The following FAM149B1 variants were observed in gnomAD, a reference collection of about 807,000 sequenced individuals.
FAM149B1 encodes the protein primary cilium assembly protein FAM149B1.
A neutral mutation model predicts 75.3 loss-of-function variants in FAM149B1; 56 were observed. That is an observed-to-expected ratio of 0.74 (90% CI 0.60 to 0.93). The LOEUF (loss-of-function observed/expected upper bound fraction) is 0.93, where lower values mean the gene tolerates loss of function less well. FAM149B1 is among the 40% of genes least tolerant of loss of function. The pLI is 0.00. For synonymous variants in FAM149B1, 259 were observed against 256.1 expected (o/e 1.01, Z -0.11); for missense variants, 639 against 708.4 (o/e 0.90, Z 1.11).
At chr10:73,209,185 A>C (rs1159103121) in intron 6 of FAM149B1, among the ~76,000 whole-genome samples, 1 of 152,190 alleles carries the variant, frequency 6.6e-6, no homozygotes, top group African/African-American at 2.4e-5. Context: ...GCGGTGGCTC[A>C]CACTTGTAAT....
Position 73,243,747 on chromosome 10 carries a change from G to A in FAM149B1, c.*2728G>A, listed in dbSNP as rs1357371252. ...GGACAAATAGAAGGTATGCGGTTAT[G>A]TCTTAAAAGAAGAAAACAAAATACA... On this transcript the variant is annotated 3_prime_UTR_variant, in exon 14 of 14. Coordinates refer to ENST00000242505, the MANE Select transcript of FAM149B1 (RefSeq NM_173348.2). 4 of 1,239,970 alleles carry A rather than the reference G, an allele frequency of 3.2e-6. No individual in the cohort carries two copies. The African/African-American group carries it at 6.0e-5, about 19-fold the overall frequency. The allele number at this position is 1,239,970 out of a possible 1,614,324, so 76.8% of individuals were successfully genotyped here.
Position 73,235,307 on chromosome 10 carries a change from C to CA in FAM149B1, c.1593dup (p.Ser532IlefsTer15). On this transcript the variant is annotated frameshift_variant, in exon 12 of 14. Transcript: ENST00000242505. LOFTEE classifies it high-confidence loss of function. Reference sequence around the variant, plus strand: ...CTTTTTCCCCAGGCCCAACACAACTCAATCATTTTTGGTAGAGTGACGTAC... The same window carrying CA: ...CTTTTTCCCCAGGCCCAACACAACTCAAATCATTTTTGGTAGAGTGACGTAC... 1 of 1,552,040 alleles carries CA rather than the reference C, an allele frequency of 6.4e-7. No individual in the cohort carries two copies. The highest frequency in any genetic ancestry group is 8.7e-7 in the Non-Finnish European group (1 of 1,147,082).
At chr10:73,193,750 T>A in intron 5 of FAM149B1, 157 bp downstream of exon 5, 1 of 350,002 alleles carries the variant, frequency 2.9e-6, no homozygotes, top group Non-Finnish European at 4.0e-6. Flanking sequence ...TTGTGTATAT[T>A]AAAATTTCAT....
At chr10:73,198,035 G>C (rs1014311924) in intron 5 of FAM149B1, among the ~76,000 whole-genome samples, 4 of 152,098 alleles carry the variant, frequency 2.6e-5, no homozygotes, top group Non-Finnish European at 5.9e-5. Flanking sequence ...TAAAAGAATG[G>C]AGAGCTCAAA....
chr10:73,190,311 A>G (rs996409875), intron 3 of FAM149B1, among the ~76,000 whole-genome samples: 19 of 151,162 alleles, frequency 1.3e-4, no homozygotes, highest in African/African-American at 4.6e-4. Flanking sequence ...CAATTTTTTT[A>G]GAGAGGGGTC....
At chr10:73,221,431 A>G (rs1164006638) in intron 7 of FAM149B1, among the ~76,000 whole-genome samples, 7 of 152,208 alleles carry the variant, frequency 4.6e-5, no homozygotes, top group African/African-American at 1.7e-4. Context: ...TTTATGAACT[A>G]TGTGAATAGT....
Position 73,241,042 on chromosome 10 carries a change from G to C in FAM149B1, c.*23G>C. On this transcript the variant is annotated 3_prime_UTR_variant, in exon 14 of 14. Coordinates refer to ENST00000242505, the MANE Select transcript of FAM149B1 (RefSeq NM_173348.2). ...TAAGGCAAATGAGAAGAATCTATCA[G>C]GCTGCAGGAAACACGAGATTTCATG... 3 of 1,365,982 alleles carry C rather than the reference G, an allele frequency of 2.2e-6. No homozygotes were observed. The highest frequency in any genetic ancestry group is 3.1e-6 in the Non-Finnish European group (3 of 982,486). 84.6% of individuals were successfully genotyped at this position (1,365,982 alleles called of 1,614,324 possible). A position where few individuals can be genotyped will look rare whatever the true frequency, so the allele number is the denominator to read the frequency against.
At chr10:73,230,179 C>T (rs2043652419) in intron 8 of FAM149B1, 2 of 382,614 alleles carry the variant, frequency 5.2e-6, no homozygotes, top group Non-Finnish European at 9.7e-6. Flanking sequence ...TAATTGTTTT[C>T]ATCCAGATTG....
At chr10:73,216,755 A>G (rs2043307204) in intron 7 of FAM149B1, among the ~76,000 whole-genome samples, 1 of 152,190 alleles carries the variant, frequency 6.6e-6, no homozygotes. Context: ...TGGCCCAAGG[A>G]CAGGGTGCAC....
At chr10:73,231,430 T>C (rs541266160) in intron 9 of FAM149B1, 1 of 152,310 alleles carries the variant, frequency 6.6e-6, no homozygotes, top group Admixed American at 6.5e-5. Context: ...AGTTGTACCA[T>C]TTTACACTCC....
intron 10 of FAM149B1, 89 bp downstream of exon 10, chr10:73,233,252 A>G (rs1589193726): frequency 1.1e-6 from 1 of 944,228 alleles, no homozygotes; most frequent in East Asian, 2.6e-5. Flanking sequence ...ACTGAAATCT[A>G]TGCCTAGAAA....
intron 3 of FAM149B1, among the ~76,000 whole-genome samples, chr10:73,179,322 T>C (rs2133308187): frequency 6.6e-6 from 1 of 152,328 alleles, no homozygotes; most frequent in Non-Finnish European, 1.5e-5. Flanking sequence ...GTTATAATCA[T>C]GATGTACACA....
rs1280925560 is a variant in FAM149B1 at position 73,235,241 on chromosome 10, CCTAA to C, written c.1529_1532del (p.Asn510IlefsTer89). On this transcript the variant is annotated frameshift_variant, in exon 12 of 14. Coordinates refer to ENST00000242505, the MANE Select transcript of FAM149B1 (RefSeq NM_173348.2). LOFTEE classifies it high-confidence loss of function. The stretch of plus-strand genomic sequence containing the variant: ...AGCTCAAAGTGCGGTGGTGGATGAA[CCTAA>C]CTATCAGCAGCCACAAGAAAGGCTC... The C allele has an allele frequency of 2.6e-6, 4 of 1,551,750 alleles. No individual in the cohort carries two copies. In the South Asian group the frequency reaches 3.6e-5, roughly 14 times the overall value.
intron 3 of FAM149B1, among the ~76,000 whole-genome samples, chr10:73,182,467 C>T (rs1442809435): frequency 2.0e-5 from 3 of 152,198 alleles, no homozygotes; most frequent in African/African-American, 7.2e-5. Flanking sequence ...CCACCTTGGC[C>T]TCCCAAAGTG....
chr10:73,239,782 C>T (rs985657306), intron 13 of FAM149B1, among the ~76,000 whole-genome samples: 1 of 149,980 alleles, frequency 6.7e-6, no homozygotes, highest in Non-Finnish European at 1.5e-5. Flanking sequence ...GATTAAACTG[C>T]TTTGATCAGT....
At chr10:73,198,841 C>A (rs1020375683) in intron 5 of FAM149B1, among the ~76,000 whole-genome samples, 3 of 152,004 alleles carry the variant, frequency 2.0e-5, no homozygotes, top group Non-Finnish European at 1.5e-5. Context: ...GAAAAATGGA[C>A]AAAGGACTTG....
intron 4 of FAM149B1, 31 bp from the exon 5 acceptor site, chr10:73,193,445 CT>C (rs1259412304): frequency 6.5e-6 from 10 of 1,538,832 alleles, no homozygotes; most frequent in Non-Finnish European, 8.8e-6. Flanking sequence ...AGTGAAGGTA[CT>C]TAATTGTGTC....
At chr10:73,191,730 G>A (rs2042689844) in intron 3 of FAM149B1, among the ~76,000 whole-genome samples, 1 of 151,960 alleles carries the variant, frequency 6.6e-6, no homozygotes, top group Admixed American at 6.6e-5. Context: ...ATATACACAG[G>A]GTTTTCCATC....
intron 7 of FAM149B1, among the ~76,000 whole-genome samples, chr10:73,213,348 A>G (rs1416965165): frequency 1.3e-5 from 2 of 152,010 alleles, no homozygotes; most frequent in South Asian, 2.1e-4. Flanking sequence ...CCATTTGTCT[A>G]TTTTTGTTTT....
Sources: gnomAD v4.1 joint callset for allele counts (sites outside exome capture counted in the v4.1 genomes callset) on GRCh38, gnomAD v4.1.1 for gene constraint, MANE v1.5 for transcripts, NCBI Gene and HGNC (gene_info 2026-07-23, HGNC 2026-07-21) for gene names.